The following CGA variants were observed in gnomAD, a reference collection of about 807,000 sequenced individuals.
CGA encodes glycoprotein hormones alpha chain.
Under a neutral mutation model 12.0 loss-of-function variants are expected in CGA, and 4 were observed. The ratio of observed to expected loss-of-function variants is 0.33; its 90% CI spans 0.16 to 0.76. The LOEUF (loss-of-function observed/expected upper bound fraction) is 0.76. Ranked by LOEUF, CGA falls within the 30% of genes least tolerant of loss-of-function variation. The pLI, the probability that CGA is intolerant of heterozygous loss-of-function variation, is 0.60. For synonymous variants in CGA, 60 were observed against 56.6 expected (o/e 1.06, Z -0.27); for missense variants, 102 against 143.5 (o/e 0.71, Z 1.48).
intron 1 of CGA, chr6:87,089,042 T>C (rs1769380298): frequency 6.6e-6 from 1 of 152,188 alleles, no homozygotes; most frequent in Non-Finnish European, 1.5e-5. Context: ...GGTATAGCCA[T>C]ACCATGGAAT....
chr6:87,091,876 G>A (rs1052193800), intron 1 of CGA, among the ~76,000 whole-genome samples: 4 of 152,238 alleles, frequency 2.6e-5, no homozygotes, highest in Admixed American at 6.5e-5. Flanking sequence ...TTATGTACAC[G>A]TCTATCTCTT....
intron 2 of CGA, chr6:87,087,901 A>C: frequency 2.8e-6 from 1 of 354,994 alleles, no homozygotes; most frequent in Non-Finnish European, 5.1e-6. Context: ...AGGCTGCTGC[A>C]TAAATGGTTG....
intron 1 of CGA, among the ~76,000 whole-genome samples, chr6:87,090,167 T>A (rs1983841): frequency 0.63 from 95,059 of 152,046 alleles, 30,114 homozygotes; most frequent in African/African-American, 0.71. Flanking sequence ...TTATCTTCAC[T>A]CATAATTAAC....
At chr6:87,089,805 A>G (rs1370762835) in intron 1 of CGA, among the ~76,000 whole-genome samples, 1 of 152,196 alleles carries the variant, frequency 6.6e-6, no homozygotes, top group Non-Finnish European at 1.5e-5. Flanking sequence ...GCGCACCAAC[A>G]TGATTACACA....
At chr6:87,089,373 A>ATG (rs71014985) in intron 1 of CGA, among the ~76,000 whole-genome samples, 83 of 151,272 alleles carry the variant, frequency 5.5e-4, no homozygotes, top group Admixed American at 1.1e-3. Flanking sequence ...CACTAGTATT[A>ATG]TGTGTGTGTG....
At chr6:87,091,978 A>T (rs1318095771) in intron 1 of CGA, among the ~76,000 whole-genome samples, 1 of 152,184 alleles carries the variant, frequency 6.6e-6, no homozygotes, top group Non-Finnish European at 1.5e-5. Context: ...GCGCCACTGC[A>T]CTCTACCCTG....
chr6:87,090,612 T>C (rs1348696786), intron 1 of CGA, among the ~76,000 whole-genome samples: 4 of 151,354 alleles, frequency 2.6e-5, no homozygotes, highest in Non-Finnish European at 5.9e-5. Context: ...AACTCATGAA[T>C]AGAAGCTCTT....
chr6:87,086,145 G>A, intron 3 of CGA, 105 bp downstream of exon 3: 1 of 998,970 alleles, frequency 1.0e-6, no homozygotes, highest in Admixed American at 2.3e-5. Context: ...GCTCGACAGA[G>A]GCTGGGTCAT....
At chr6:87,088,273 A>G (rs1769365516) in intron 1 of CGA, 66 bp from the exon 2 acceptor site, 1 of 938,734 alleles carries the variant, frequency 1.1e-6, no homozygotes, top group Non-Finnish European at 1.6e-6. Context: ...CTTACCAGTC[A>G]TAACAACAAC....
At chr6:87,087,791 C>T (rs184648997) in intron 2 of CGA, 36 of 175,974 alleles carry the variant, frequency 2.0e-4, no homozygotes, top group Middle Eastern at 2.3e-3. Flanking sequence ...TCAAATCTGC[C>T]GGGAGAAATG....
intron 1 of CGA, among the ~76,000 whole-genome samples, chr6:87,094,078 CAGAAACTTTAAAAGATTCCTTTT>C (rs77846138): frequency 0.39 from 58,917 of 151,890 alleles, 13,805 homozygotes; most frequent in African/African-American, 0.67. Flanking sequence ...AAGATATTTT[CAGAAACTTTAAAAGATTCCTTTT>C]CTAAAGCAAA....
At chr6:87,085,962 A>T in intron 3 of CGA, 129 bp from the exon 4 acceptor site, 1 of 739,312 alleles carries the variant, frequency 1.4e-6, no homozygotes, top group Non-Finnish European at 2.3e-6. Flanking sequence ...CTACATTTGC[A>T]CAGTCTCCTT....
At chr6:87,092,539 G>GAGAA (rs1235159131) in intron 1 of CGA, among the ~76,000 whole-genome samples, 1 of 94,444 alleles carries the variant, frequency 1.1e-5, no homozygotes, top group South Asian at 3.6e-4. Flanking sequence ...GAGAGAGAGA[G>GAGAA]AGAAAGAAAG....
chr6:87,093,123 C>T (rs192368384), intron 1 of CGA, among the ~76,000 whole-genome samples: 68 of 152,208 alleles, frequency 4.5e-4, no homozygotes, highest in Non-Finnish European at 6.8e-4. Flanking sequence ...TTTCTTTACA[C>T]CTGTGTCATA....
intron 1 of CGA, among the ~76,000 whole-genome samples, chr6:87,093,906 A>T (rs1228202003): frequency 6.6e-6 from 1 of 152,206 alleles, no homozygotes. Flanking sequence ...AAACTTAAGA[A>T]AACCAAAGTT....
intron 1 of CGA, among the ~76,000 whole-genome samples, chr6:87,094,354 G>A (rs1412455849): frequency 1.3e-5 from 2 of 152,186 alleles, no homozygotes; most frequent in African/African-American, 4.8e-5. Flanking sequence ...AAGGTTAGCT[G>A]CAAAAAAGTT....
At chr6:87,086,163 C>T in intron 3 of CGA, 87 bp downstream of exon 3, 1 of 1,229,878 alleles carries the variant, frequency 8.1e-7, no homozygotes, top group Non-Finnish European at 1.2e-6. Flanking sequence ...CATTAGACAC[C>T]TTTGGCATTA....
Position 87,095,092 on chromosome 6 carries a change from G to A in CGA, c.-87C>T, listed in dbSNP as rs1188571570. 6.6e-6 allele frequency: 1 copy of A among 152,212 alleles called. No individual in the cohort carries two copies. The highest frequency in any genetic ancestry group is 1.9e-4 in the East Asian group (1 of 5,198). The allele number at this position is 152,212 out of a possible 1,614,324, so 9.4% of individuals were successfully genotyped here. A position where few individuals can be genotyped will look rare whatever the true frequency, so the allele number is the denominator to read the frequency against. On this transcript the variant is annotated 5_prime_UTR_variant, in exon 1 of 4. Transcript: ENST00000627148. ...GAGGGATTTTAGCTTCGTCTTATGAGTTCTCAGTAACTGCAGTTAATGAAG... is the reference window on the plus strand; with the variant it reads ...GAGGGATTTTAGCTTCGTCTTATGAATTCTCAGTAACTGCAGTTAATGAAG...
At chr6:87,090,457 C>T (rs1476301174) in intron 1 of CGA, among the ~76,000 whole-genome samples, 2 of 151,968 alleles carry the variant, frequency 1.3e-5, no homozygotes, top group Admixed American at 1.3e-4. Flanking sequence ...AACAATGCCA[C>T]TCATCACTAA....
Sources: allele counts gnomAD v4.1 joint callset (sites outside exome capture counted in the v4.1 genomes callset), GRCh38; gene constraint gnomAD v4.1.1; transcripts MANE v1.5; gene names NCBI Gene and HGNC (gene_info 2026-07-23, HGNC 2026-07-21).